DOK7: variants seen among roughly 807,000 people sequenced by gnomAD.
DOK7 encodes the protein protein Dok-7.
DOK7 carries 32 observed loss-of-function variants against 30.7 expected under a neutral mutation model. The observed-to-expected ratio is 1.04, with a 90% CI of 0.79 to 1.40. The LOEUF (loss-of-function observed/expected upper bound fraction) is 1.40. Ranked by LOEUF, DOK7 falls within the 40% of genes most tolerant of loss-of-function variation. The probability of loss-of-function intolerance (pLI) is 0.00; values close to 1 mark genes in which losing one functional copy is unlikely to be tolerated. For synonymous variants in DOK7, 447 were observed against 324.1 expected, an observed-to-expected ratio of 1.38 and a Z score of -4.07; for missense variants, 1,007 against 699.2, an observed-to-expected ratio of 1.44 and a Z score of -4.97.
rs374569677 is a variant in DOK7 at position 3,490,528 on chromosome 4, C to T, written c.772+732C>T. On this transcript the variant is annotated intron_variant, in intron 6 of 6. Coordinates refer to ENST00000340083, the MANE Select transcript of DOK7 (RefSeq NM_173660.5). Reference sequence around the variant, plus strand: ...CTGCTCATTCTTTCCTTCACCCCCCCGCTCATTCGTTCCTTCCTTCTCCCC... The same window carrying T: ...CTGCTCATTCTTTCCTTCACCCCCCTGCTCATTCGTTCCTTCCTTCTCCCC... Among the ~76,000 whole-genome samples, 80 of 93,550 alleles carry T rather than the reference C, an allele frequency of 8.6e-4. 1 individual carries two copies. The highest frequency in any genetic ancestry group is 2.2e-3 in the African/African-American group (47 of 21,340). 61.4% of individuals were successfully genotyped at this position (93,550 alleles called of 152,430 possible).
At chr4:3,466,750 G>A (rs1015489877) in intron 2 of DOK7, among the ~76,000 whole-genome samples, 1 of 152,182 alleles carries the variant, frequency 6.6e-6, no homozygotes, top group Non-Finnish European at 1.5e-5. Flanking sequence ...GGCTCTTGAG[G>A]GCAATGGAGA....
At chr4:3,490,630 T>TGCTC (rs202010657) in intron 6 of DOK7, among the ~76,000 whole-genome samples, 16,272 of 35,410 alleles carry the variant, frequency 0.46, 2,521 homozygotes, top group East Asian at 0.7. Flanking sequence ...TCCTTCCCTC[T>TGCTC]CCGCCTGCTC....
In DOK7 at chr4:3,494,436, C is replaced by G. The variant is rs1250483758; in HGVS notation, c.*935C>G. On this transcript the variant is annotated 3_prime_UTR_variant, in exon 7 of 7. Transcript: ENST00000340083. ...CCCTTCACTGTCAGCTGTTTCTAAA[C>G]CCAGACACTGTTTGTAATAGACTGG... 1.7e-5 allele frequency: 17 copies of G among 985,570 alleles called. No homozygotes were observed. Among genetic ancestry groups the G allele is most frequent in the Non-Finnish European group, 2.0e-5 (17 of 830,084 alleles). The allele number at this position is 985,570 out of a possible 1,614,324, so 61.1% of individuals were successfully genotyped here.
In DOK7 at chr4:3,489,782, G is replaced by A; in HGVS notation, c.758G>A (p.Arg253Lys). 6.4e-7 allele frequency: 1 copy of A among 1,574,222 alleles called. No individual in the cohort carries two copies. Among genetic ancestry groups the A allele is most frequent in the South Asian group, 1.2e-5 (1 of 85,780 alleles). The change falls in exon 6 of 7, where the codon AGG becomes AAG. Residue 253 changes from arginine (R) to lysine (K), a missense_variant. Coordinates refer to ENST00000340083, the MANE Select transcript of DOK7 (RefSeq NM_173660.5). The stretch of plus-strand genomic sequence containing the variant: ...CTGAGCCTCCTCTCACATGCGGGCA[G>A]GCCGGGCAGTGGAGGTAGGGCCGGG... The part of the protein sequence containing the change: ...KRLSLLSHAG[R>K]PGSGGDDRSL...
intron 2 of DOK7, among the ~76,000 whole-genome samples, chr4:3,472,545 C>T (rs1726818640): frequency 6.6e-6 from 1 of 152,238 alleles, no homozygotes; most frequent in South Asian, 2.1e-4. Flanking sequence ...GCGCCGTCCT[C>T]TCTGCTCTCT....
Position 3,476,505 on chromosome 4 carries a change from C to A in DOK7, c.495C>A (p.Ser165Arg), listed in dbSNP as rs1405222108. Residue 165 changes from serine (S) to arginine (R), a missense_variant, in exon 4 of 7, where the codon AGC becomes AGA. By Grantham distance (110) the Ser-to-Arg change is moderately radical (BLOSUM62 -1). Transcript: ENST00000340083. The stretch of plus-strand genomic sequence containing the variant: ...TCCGGCGCTACGGGGCCGTGCCAAG[C>A]GGATTCATCTTTGAAGGCGGGACCA... ...SDLRRYGAVP[S>R]GFIFEGGTRC... is the part of the protein sequence containing the mutation. 1.2e-6 allele frequency: 2 copies of A among 1,613,844 alleles called. No individual in the cohort carries two copies. Among genetic ancestry groups the A allele is most frequent in the East Asian group, 4.5e-5 (2 of 44,878 alleles).
chr4:3,482,266 C>T (rs961847212), intron 4 of DOK7, among the ~76,000 whole-genome samples: 2 of 152,198 alleles, frequency 1.3e-5, no homozygotes, highest in Non-Finnish European at 1.5e-5. Flanking sequence ...GGGATCTGGA[C>T]GGGGCTCAGT....
At chr4:3,479,660 G>C (rs1727321636) in intron 4 of DOK7, among the ~76,000 whole-genome samples, 1 of 152,244 alleles carries the variant, frequency 6.6e-6, no homozygotes, top group African/African-American at 2.4e-5. Flanking sequence ...GGCGATGGCT[G>C]CGCCTCACTC....
At position 3,500,304 on chromosome 4, in the gene DOK7, G is replaced by A. The variant is rs754345718; in HGVS notation, c.1162G>A (p.Glu388Lys). ...CCCAGGACCAGAGAGGCCGCGCGGC[G>A]AGTCGCCCACTTACGTGAACATCCC... Residue 388 changes from glutamate (E) to lysine (K), a missense_variant, in exon 7 of 8, where the codon GAG becomes AAG. By Grantham distance (56) the Glu-to-Lys change is moderately conservative (BLOSUM62 1). Transcript: ENST00000643608. 105 of 1,535,936 alleles carry A rather than the reference G, an allele frequency of 6.8e-5. No individual in the cohort carries two copies. The African/African-American group carries it at 1.1e-3, about 15-fold the overall frequency.
intron 7 of DOK7, chr4:3,500,479 C>G: frequency 2.0e-6 from 3 of 1,513,600 alleles, no homozygotes; most frequent in Non-Finnish European, 2.6e-6. Flanking sequence ...AGCCCCCAGC[C>G]CCACCCAGCA....
chr4:3,465,510 G>C (rs1243997127), intron 2 of DOK7, among the ~76,000 whole-genome samples: 2 of 152,206 alleles, frequency 1.3e-5, no homozygotes, highest in Admixed American at 6.5e-5. Context: ...AGACAGGCAG[G>C]GTTCTTTTTG....
intron 4 of DOK7, among the ~76,000 whole-genome samples, chr4:3,478,093 G>T (rs1482663893): frequency 6.6e-6 from 1 of 152,188 alleles, no homozygotes; most frequent in African/African-American, 2.4e-5. Flanking sequence ...GGGGTGCCTG[G>T]AGGAGGGGGA....
Position 3,493,033 on chromosome 4 carries a change from C to A in DOK7, c.1047C>A (p.Ser349=). 1 of 1,571,548 alleles carries A rather than the reference C, an allele frequency of 6.4e-7. No individual in the cohort carries two copies. The highest frequency in any genetic ancestry group is 2.3e-5 in the East Asian group (1 of 43,204). Residue 349 remains serine, a synonymous_variant, in exon 7 of 7, where the codon TCC becomes TCA. Transcript: ENST00000340083. Reference sequence around the variant, plus strand: ...CCACTGGCAGCCACTCCTCTTACTCCAGCAGCCTCTCGTCCTACGCGGGCA... The same window carrying A: ...CCACTGGCAGCCACTCCTCTTACTCAAGCAGCCTCTCGTCCTACGCGGGCA... ...GIATGSHSSY[S]SSLSSYAGSS... is the part of the protein sequence containing the mutation.
downstream of DOK7, among the ~76,000 whole-genome samples, chr4:3,497,607 G>A (rs773119800): frequency 1.3e-5 from 2 of 152,096 alleles, no homozygotes; most frequent in Non-Finnish European, 1.5e-5. Flanking sequence ...GAGCCACTGC[G>A]GGCTAAACCT....
chr4:3,489,739 C>A lies in DOK7; in HGVS notation c.715C>A (p.Leu239Ile). 6.4e-7 allele frequency: 1 copy of A among 1,569,424 alleles called. No individual in the cohort carries two copies. The highest frequency in any genetic ancestry group is 8.6e-7 in the Non-Finnish European group (1 of 1,157,216). ...TGTGGCCCAGGAAGCCCTGGAAACC[C>A]TACAGCTGGAGAAGCGGCTGAGCCT... ...ERVAQEALET[L>I]QLEKRLSLLS... The change falls in exon 6 of 7, where the codon CTA becomes ATA. Residue 239 changes from leucine to isoleucine, a missense_variant. Coordinates refer to ENST00000340083, the MANE Select transcript of DOK7 (RefSeq NM_173660.5).
At chr4:3,489,009 A>G (rs1481134541) in intron 5 of DOK7, among the ~76,000 whole-genome samples, 1 of 152,150 alleles carries the variant, frequency 6.6e-6, no homozygotes, top group African/African-American at 2.4e-5. Context: ...GGCCAGTGAG[A>G]GGTCCCACCC....
chr4:3,498,909 C>T (rs891520359), downstream of DOK7, among the ~76,000 whole-genome samples: 3 of 152,248 alleles, frequency 2.0e-5, no homozygotes, highest in Non-Finnish European at 2.9e-5. Context: ...AGCGAACCCT[C>T]GTCGACCTGG....
chr4:3,500,368 G>A (rs940741051), exon 7 of DOK7: 33 of 1,535,832 alleles, frequency 2.1e-5, no homozygotes, highest in Non-Finnish European at 2.9e-5. Context: ...CACTACATGG[G>A]CCTGGAGCTC....
chr4:3,480,231 C>T (rs1381692041), intron 4 of DOK7, among the ~76,000 whole-genome samples: 2 of 152,204 alleles, frequency 1.3e-5, no homozygotes, highest in African/African-American at 4.8e-5. Context: ...CAGCTGGGTC[C>T]AGTCCAAGGA....
Sources: allele counts gnomAD v4.1 joint callset (sites outside exome capture counted in the v4.1 genomes callset), GRCh38; gene constraint gnomAD v4.1.1; transcripts MANE v1.5; gene names NCBI Gene and HGNC (gene_info 2026-07-23, HGNC 2026-07-21).